The following PECR variants were observed in gnomAD, a reference collection of about 807,000 sequenced individuals.
The protein encoded by PECR is 2,4-dienoyl-CoA reductase-related protein.
A neutral mutation model predicts 35.3 loss-of-function variants in PECR; 30 were observed. The ratio of observed to expected loss-of-function variants is 0.85; its 90% confidence interval spans 0.64 to 1.15. The LOEUF is 1.15. Among genes scored for constraint, PECR ranks in the 50% most tolerant of loss-of-function variants. The probability of loss-of-function intolerance (pLI) is 0.00; values close to 1 mark genes in which losing one functional copy is unlikely to be tolerated. For synonymous variants in PECR, 148 were observed against 138.9 expected, an observed-to-expected ratio of 1.07 and a Z score of -0.46; for missense variants, 392 against 370.8, an observed-to-expected ratio of 1.06 and a Z score of -0.47.
At chr2:216,077,015 C>A (rs1421606948) in intron 1 of PECR, among the ~76,000 whole-genome samples, 1 of 150,786 alleles carries the variant, frequency 6.6e-6, no homozygotes, top group Admixed American at 6.6e-5. Flanking sequence ...ATTCTCCTGC[C>A]TCAGCCTCCG....
At chr2:216,081,013 A>T (rs1021886454) in intron 1 of PECR, among the ~76,000 whole-genome samples, 6 of 152,152 alleles carry the variant, frequency 3.9e-5, no homozygotes, top group African/African-American at 1.4e-4. Flanking sequence ...AATTTATCTT[A>T]TGTTGCAAAT....
intron 1 of PECR, among the ~76,000 whole-genome samples, chr2:216,071,011 T>G (rs936673884): frequency 2.6e-5 from 4 of 152,226 alleles, no homozygotes; most frequent in Non-Finnish European, 5.9e-5. Flanking sequence ...TCTCCCTTTT[T>G]GTTTTTGAAT....
chr2:216,045,523 T>C (rs896272434), intron 6 of PECR, among the ~76,000 whole-genome samples: 1 of 152,284 alleles, frequency 6.6e-6, no homozygotes, highest in Non-Finnish European at 1.5e-5. Flanking sequence ...AAGTCAAATA[T>C]ATTATTAAAA....
At chr2:216,045,501 A>C (rs937692631) in intron 6 of PECR, among the ~76,000 whole-genome samples, 1 of 152,242 alleles carries the variant, frequency 6.6e-6, no homozygotes, top group Non-Finnish European at 1.5e-5. Context: ...GATGTTTTGG[A>C]TGTATTAGGC....
At chr2:216,072,235 T>C (rs1337357299) in intron 1 of PECR, among the ~76,000 whole-genome samples, 1 of 152,174 alleles carries the variant, frequency 6.6e-6, no homozygotes, top group East Asian at 1.9e-4. Context: ...GACCCTGTAA[T>C]TGCTCTATTT....
intron 1 of PECR, among the ~76,000 whole-genome samples, chr2:216,081,352 G>GTTTCA (rs1378148451): frequency 1.3e-5 from 2 of 152,214 alleles, no homozygotes; most frequent in African/African-American, 4.8e-5. Context: ...TGCACAGCAT[G>GTTTCA]TTTCACTGCT....
At chr2:216,053,942 G>A (rs2063643371) in intron 4 of PECR, among the ~76,000 whole-genome samples, 1 of 152,070 alleles carries the variant, frequency 6.6e-6, no homozygotes, top group South Asian at 2.1e-4. Flanking sequence ...CTGGTGTATT[G>A]TTTTTCTCCC....
At chr2:216,076,817 C>A (rs2105970484) in intron 1 of PECR, among the ~76,000 whole-genome samples, 1 of 151,802 alleles carries the variant, frequency 6.6e-6, no homozygotes, top group East Asian at 1.9e-4. Context: ...AAATAAATAT[C>A]TTGCTATTGA....
intron 1 of PECR, among the ~76,000 whole-genome samples, chr2:216,068,237 A>C (rs1230387015): frequency 2.6e-5 from 4 of 151,406 alleles, no homozygotes; most frequent in Non-Finnish European, 4.4e-5. Flanking sequence ...AAAAAAAAAA[A>C]AAAAAAAAAA....
At position 216,046,169 on chromosome 2, in the gene PECR, G is replaced by A. The variant is rs913207660; in HGVS notation, c.715-2154C>T. Among the ~76,000 whole-genome samples the A allele has an allele frequency of 3.4e-5, 5 of 147,324 alleles. No individual in the cohort carries two copies. The South Asian group carries it at 8.7e-4, about 26-fold the overall frequency. On this transcript the variant is annotated intron_variant, in intron 6 of 7. Transcript: ENST00000265322. ...CTATTTTAAAGTAAATGTTATTTATGTTAACATGTACTCCTTTATTACTAT... is the reference window on the plus strand; with the variant it reads ...CTATTTTAAAGTAAATGTTATTTATATTAACATGTACTCCTTTATTACTAT...
chr2:216,054,980 C>A (rs575849384), intron 4 of PECR, among the ~76,000 whole-genome samples: 1 of 152,012 alleles, frequency 6.6e-6, no homozygotes, highest in South Asian at 2.1e-4. Flanking sequence ...GGCATAGTGG[C>A]GTGCACCTGT....
intron 1 of PECR, among the ~76,000 whole-genome samples, chr2:216,081,137 T>C (rs143261766): frequency 3.3e-5 from 5 of 152,236 alleles, no homozygotes; most frequent in South Asian, 2.1e-4. Flanking sequence ...CCCTCACTTA[T>C]GTGTTTACAA....
In PECR at chr2:216,044,725, G is replaced by A. The variant is rs147682891; in HGVS notation, c.715-710C>T. Among the ~76,000 whole-genome samples, 9 of 152,144 alleles carry A rather than the reference G, an allele frequency of 5.9e-5. No homozygotes were observed. The East Asian group carries it at 1.7e-3, about 29-fold the overall frequency. On this transcript the variant is annotated intron_variant, in intron 6 of 7. Transcript: ENST00000265322. ...AAATAAAAATAAAAATAAACCAAAG[G>A]CACTTCAGACTCCCACTGTACTCCT...
chr2:216,081,304 T>C (rs1056764370), intron 1 of PECR, among the ~76,000 whole-genome samples: 7 of 152,228 alleles, frequency 4.6e-5, no homozygotes, highest in African/African-American at 1.2e-4. Context: ...ATTAAGCATA[T>C]AGAATGGATT....
chr2:216,069,407 C>A (rs1463972040), intron 1 of PECR, among the ~76,000 whole-genome samples: 1 of 152,036 alleles, frequency 6.6e-6, no homozygotes, highest in Non-Finnish European at 1.5e-5. Flanking sequence ...GGGGGACTGG[C>A]CAACAAACAT....
At chr2:216,069,199 C>A (rs1048267867) in intron 1 of PECR, among the ~76,000 whole-genome samples, 4 of 152,150 alleles carry the variant, frequency 2.6e-5, no homozygotes, top group African/African-American at 7.2e-5. Flanking sequence ...GCTTTTCAAC[C>A]CACAAATCAT....
chr2:216,077,603 C>T (rs1481412983), intron 1 of PECR, among the ~76,000 whole-genome samples: 2 of 151,800 alleles, frequency 1.3e-5, no homozygotes, highest in Non-Finnish European at 2.9e-5. Context: ...GTCAAGAGTT[C>T]GAGACTAGCC....
At chr2:216,052,646 G>T in intron 4 of PECR, among the ~76,000 whole-genome samples, 1 of 152,242 alleles carries the variant, frequency 6.6e-6, no homozygotes, top group African/African-American at 2.4e-5. Context: ...TTTAGCACTG[G>T]TTCTCAGCAA....
At chr2:216,054,042 T>C (rs1559211983) in intron 4 of PECR, among the ~76,000 whole-genome samples, 1 of 152,020 alleles carries the variant, frequency 6.6e-6, no homozygotes, top group Non-Finnish European at 1.5e-5. Context: ...CCCAGCACTT[T>C]GGGAGGTTGA....
Sources: allele counts gnomAD v4.1 joint callset (sites outside exome capture counted in the v4.1 genomes callset), GRCh38; gene constraint gnomAD v4.1.1; transcripts MANE v1.5; gene names NCBI Gene and HGNC (gene_info 2026-07-23, HGNC 2026-07-21).